PUS10: variants seen among roughly 807,000 people sequenced by gnomAD.
The protein encoded by PUS10 is pseudouridine synthase 10, also known as tRNA pseudouridine synthase Pus10.
A neutral mutation model predicts 75.0 loss-of-function variants in PUS10; 59 were observed. The ratio of observed to expected loss-of-function variants is 0.79; its 90% CI spans 0.64 to 0.98. The LOEUF (loss-of-function observed/expected upper bound fraction) is 0.98, where lower values mean the gene tolerates loss of function less well. Among genes scored for constraint, PUS10 ranks in the 50% least tolerant of loss-of-function variants. PUS10 has a pLI of 0.00. For synonymous variants in PUS10, 219 were observed against 211.6 expected (o/e 1.03, Z -0.30); for missense variants, 650 against 614.4 (o/e 1.06, Z -0.61).
intron 4 of PUS10, among the ~76,000 whole-genome samples, chr2:60,994,235 C>A (rs980503177): frequency 6.6e-6 from 1 of 151,908 alleles, no homozygotes; most frequent in African/African-American, 2.4e-5. Flanking sequence ...CAAGGTAGCA[C>A]TTGCCACCTA....
intron 16 of PUS10, among the ~76,000 whole-genome samples, 197 bp downstream of exon 16, chr2:60,947,846 A>AGG (rs1026899879): frequency 5.2e-4 from 79 of 151,112 alleles, no homozygotes; most frequent in African/African-American, 1.7e-3. Flanking sequence ...AAAAAAAAAA[A>AGG]AAAAGAAAAG....
rs1243183604 is a variant in PUS10 at position 60,942,193 on chromosome 2, A to G, written c.*202T>C. 2 of 494,858 alleles carry G rather than the reference A, an allele frequency of 4.0e-6. No individual in the cohort carries two copies. The highest frequency in any genetic ancestry group is 7.4e-6 in the Non-Finnish European group (2 of 270,946). The allele number at this position is 494,858 out of a possible 1,614,324, so 30.7% of individuals were successfully genotyped here. ...GAGGGAATGAGAAAAATCCTAAGAC[A>G]TCCTTGGAACAATTTAACACAAAAT... On this transcript the variant is annotated 3_prime_UTR_variant, in exon 18 of 18. Coordinates refer to ENST00000316752, the MANE Select transcript of PUS10 (RefSeq NM_144709.4).
intron 10 of PUS10, among the ~76,000 whole-genome samples, chr2:60,960,730 G>A (rs994201532): frequency 6.6e-5 from 10 of 151,688 alleles, no homozygotes; most frequent in Admixed American, 1.3e-4. Flanking sequence ...TAAAATAGAT[G>A]GGTAAATATA....
chr2:60,962,438 G>A (rs1210360462), intron 9 of PUS10, among the ~76,000 whole-genome samples: 5 of 152,160 alleles, frequency 3.3e-5, no homozygotes, highest in African/African-American at 1.2e-4. Flanking sequence ...CCGGGCAGTG[G>A]TGGTGCATGC....
chr2:61,010,205 T>C (rs1217180978), intron 2 of PUS10: 29 of 152,416 alleles, frequency 1.9e-4, no homozygotes, highest in Admixed American at 1.9e-3. Flanking sequence ...CTGAAAAAAA[T>C]GTGTAAGCAG....
intron 15 of PUS10, 67 bp from the exon 16 acceptor site, chr2:60,948,252 C>G: frequency 6.8e-7 from 1 of 1,481,016 alleles, no homozygotes; most frequent in Non-Finnish European, 9.4e-7. Flanking sequence ...CTGTCTTAGC[C>G]CTTCCCTCAC....
chr2:60,971,186 A>T (rs1015442522), intron 5 of PUS10, among the ~76,000 whole-genome samples: 5 of 151,610 alleles, frequency 3.3e-5, no homozygotes, highest in African/African-American at 1.2e-4. Flanking sequence ...CCTCAAAAAA[A>T]AAAAATAATA....
rs1680134738 is a variant in PUS10 at position 61,018,094 on chromosome 2, C to T, written c.-102G>A. On this transcript the variant is annotated 5_prime_UTR_variant, in exon 1 of 18. Transcript: ENST00000316752. ...TTTTCGGGAGCTCCTGGGCGTCTCT[C>T]TGGGTCTCTGTGCTTGAAAGAAAGG... 9.7e-6 allele frequency: 15 copies of T among 1,539,382 alleles called. No homozygotes were observed. Among genetic ancestry groups the T allele is most frequent in the South Asian group, 4.8e-5 (4 of 83,204 alleles).
chr2:60,993,183 G>A (rs184995608), intron 4 of PUS10, among the ~76,000 whole-genome samples: 7 of 152,250 alleles, frequency 4.6e-5, no homozygotes, highest in South Asian at 2.1e-4. Context: ...CAGGCCAGGC[G>A]CAGTGGCTCA....
chr2:61,011,015 C>A, intron 2 of PUS10: 1 of 1,263,796 alleles, frequency 7.9e-7, no homozygotes, highest in Non-Finnish European at 1.1e-6. Flanking sequence ...ATAGAAACAA[C>A]TAATAACATT....
rs780968243 is a variant in PUS10 at position 60,962,823 on chromosome 2, T to G, written c.788+3A>C. 1.3e-6 allele frequency: 2 copies of G among 1,584,058 alleles called. No individual in the cohort carries two copies. The highest frequency in any genetic ancestry group is 3.7e-5 in the Admixed American group (2 of 53,784). On this transcript the variant is annotated splice_donor_region_variant and intron_variant, in intron 9 of 17. Transcript: ENST00000316752. ...GCTTCTTTGTTTCTAAACTTCTACT[T>G]ACTTAAGGAAATCCTCTTCCTTTAT... is the stretch of plus-strand genomic sequence containing the variant.
chr2:60,947,896 A>T, intron 16 of PUS10, 147 bp downstream of exon 16: 1 of 721,114 alleles, frequency 1.4e-6, no homozygotes, highest in Non-Finnish European at 2.2e-6. Context: ...ACCACATCCA[A>T]CAAAGAAACA....
At chr2:60,962,057 T>A (rs1676057318) in intron 9 of PUS10, among the ~76,000 whole-genome samples, 1 of 152,224 alleles carries the variant, frequency 6.6e-6, no homozygotes, top group Non-Finnish European at 1.5e-5. Context: ...TTTATTGCAT[T>A]TATTTTATTT....
chr2:61,018,101 T>C lies in PUS10; in HGVS notation c.-109A>G, dbSNP rs1680135487. ...GAGCTCCTGGGCGTCTCTCTGGGTC[T>C]CTGTGCTTGAAAGAAAGGGGGGCGG... On this transcript the variant is annotated 5_prime_UTR_variant, in exon 1 of 18. Coordinates refer to ENST00000316752, the MANE Select transcript of PUS10 (RefSeq NM_144709.4). 6.5e-7 allele frequency: 1 copy of C among 1,543,956 alleles called. No individual in the cohort carries two copies. Among genetic ancestry groups the C allele is most frequent in the East Asian group, 2.4e-5 (1 of 41,010 alleles).
intron 1 of PUS10, chr2:61,017,490 C>T (rs112835494): frequency 1.5e-4 from 53 of 355,888 alleles, no homozygotes; most frequent in East Asian, 4.1e-4. Flanking sequence ...GTAGCCGCTA[C>T]CAGAAATATC....
At chr2:60,985,128 GTA>G (rs1677636802) in intron 4 of PUS10, among the ~76,000 whole-genome samples, 1 of 152,076 alleles carries the variant, frequency 6.6e-6, no homozygotes, top group Non-Finnish European at 1.5e-5. Context: ...GTTATCTTTT[GTA>G]TAACAGTAAG....
chr2:61,010,954 T>C (rs1679559481), intron 2 of PUS10: 26 of 1,503,482 alleles, frequency 1.7e-5, no homozygotes, highest in Non-Finnish European at 2.1e-5. Context: ...ATATAAGACC[T>C]TGACATATAG....
chr2:60,964,963 G>T, intron 8 of PUS10, 95 bp downstream of exon 8: 2 of 1,031,036 alleles, frequency 1.9e-6, no homozygotes, highest in Non-Finnish European at 3.0e-6. Flanking sequence ...TAATAGAGTT[G>T]CCATGTTTCT....
intron 1 of PUS10, among the ~76,000 whole-genome samples, chr2:61,012,564 T>A (rs1047061319): frequency 1.3e-5 from 2 of 151,208 alleles, no homozygotes; most frequent in African/African-American, 4.9e-5. Flanking sequence ...CAGTGACTCA[T>A]GCCTGTAATC....
Sources: allele counts gnomAD v4.1 joint callset (sites outside exome capture counted in the v4.1 genomes callset), GRCh38; gene constraint gnomAD v4.1.1; transcripts MANE v1.5; gene names NCBI Gene and HGNC (gene_info 2026-07-23, HGNC 2026-07-21).